ELAVL4: variants seen among roughly 807,000 people sequenced by gnomAD.
ELAVL4 encodes ELAV like RNA binding protein 4, also known as ELAV-like protein 4.
A neutral mutation model predicts 35.6 loss-of-function variants in ELAVL4; 1 was observed. That is an observed-to-expected ratio of 0.03 (90% CI 0.01 to 0.13). ELAVL4 has a LOEUF of 0.13. Among genes scored for constraint, ELAVL4 ranks in the 10% least tolerant of loss-of-function variants. The probability of loss-of-function intolerance (pLI) is 1.00; values close to 1 mark genes in which losing one functional copy is unlikely to be tolerated. For missense variants in ELAVL4, 267 were observed against 464.9 expected, an observed-to-expected ratio of 0.57 and a Z score of 3.91; for synonymous variants, 156 against 171.0, an observed-to-expected ratio of 0.91 and a Z score of 0.69.
chr1:50,164,150 A>G (rs568972816), intron 2 of ELAVL4, among the ~76,000 whole-genome samples: 1 of 152,312 alleles, frequency 6.6e-6, no homozygotes, highest in African/African-American at 2.4e-5. Flanking sequence ...AATATTTGCT[A>G]TTATTTTTAT....
intron 2 of ELAVL4, among the ~76,000 whole-genome samples, chr1:50,165,326 C>T (rs1414411411): frequency 6.6e-6 from 1 of 151,868 alleles, no homozygotes; most frequent in African/African-American, 2.4e-5. Context: ...TCACCCCAGC[C>T]CTTTCCCTCA....
chr1:50,073,060 A>G (rs1277407974), intron 1 of ELAVL4, among the ~76,000 whole-genome samples: 2 of 152,184 alleles, frequency 1.3e-5, no homozygotes, highest in African/African-American at 4.8e-5. Context: ...ATGATGCCCT[A>G]ATGTACCATG....
chr1:50,103,206 C>T (rs1395805402), upstream of ELAVL4, among the ~76,000 whole-genome samples: 2 of 152,194 alleles, frequency 1.3e-5, no homozygotes, highest in African/African-American at 4.8e-5. Flanking sequence ...CCATTTGTCA[C>T]ATTTCCCCCC....
At chr1:50,182,882 T>A (rs558604416) in intron 3 of ELAVL4, among the ~76,000 whole-genome samples, 47 of 151,224 alleles carry the variant, frequency 3.1e-4, no homozygotes, top group African/African-American at 7.8e-4. Flanking sequence ...TTTTTTTTTT[T>A]AAATTAAGAC....
intron 1 of ELAVL4, among the ~76,000 whole-genome samples, chr1:50,126,041 CATCTA>C (rs148842634): frequency 7.9e-5 from 12 of 152,122 alleles, no homozygotes; most frequent in Non-Finnish European, 1.3e-4. Context: ...ACCTAGTAGG[CATCTA>C]ATAAAGGAAG....
upstream of ELAVL4, among the ~76,000 whole-genome samples, chr1:50,103,186 G>T (rs894398319): frequency 6.6e-6 from 1 of 152,184 alleles, no homozygotes; most frequent in Non-Finnish European, 1.5e-5. Context: ...GATTTAGACA[G>T]GTTAGACATC....
chr1:50,130,417 G>C lies in ELAVL4; in HGVS notation c.10-14540G>C, dbSNP rs1269728620. Reference sequence around the variant, plus strand: ...TTCTACATCTGTAAATGAGAGGAATGACAATACCCACTTCTCAAAGTTGTG... The same window carrying C: ...TTCTACATCTGTAAATGAGAGGAATCACAATACCCACTTCTCAAAGTTGTG... On this transcript the variant is annotated intron_variant, in intron 1 of 6. Coordinates refer to ENST00000371824, the MANE Select transcript of ELAVL4 (RefSeq NM_001144774.3). Among the ~76,000 whole-genome samples the C allele has an allele frequency of 2.6e-5, 4 of 152,236 alleles. No homozygotes were observed. In the East Asian group the frequency reaches 7.7e-4, roughly 29 times the overall value.
At chr1:50,118,916 A>G (rs1289546175) in intron 1 of ELAVL4, among the ~76,000 whole-genome samples, 4 of 130,898 alleles carry the variant, frequency 3.1e-5, no homozygotes, top group African/African-American at 1.1e-4. Context: ...CCCAAATGCC[A>G]TTTTGCAGGT....
chr1:50,162,849 G>T (rs557824814), intron 2 of ELAVL4, among the ~76,000 whole-genome samples: 1 of 151,702 alleles, frequency 6.6e-6, no homozygotes, highest in African/African-American at 2.4e-5. Flanking sequence ...CTCCCAAAGT[G>T]CCAGGATTAC....
At chr1:50,114,534 G>A (rs1203671353) in intron 1 of ELAVL4, among the ~76,000 whole-genome samples, 1 of 152,080 alleles carries the variant, frequency 6.6e-6, no homozygotes, top group Non-Finnish European at 1.5e-5. Flanking sequence ...CTATTTAGCA[G>A]TGAAAAGGAA....
chr1:50,160,034 C>T (rs74457220), intron 2 of ELAVL4, among the ~76,000 whole-genome samples: 1 of 152,090 alleles, frequency 6.6e-6, no homozygotes, highest in African/African-American at 2.4e-5. Flanking sequence ...GTACTGAGCA[C>T]GTTCTGGGTA....
chr1:50,183,447 G>C (rs148146157), intron 3 of ELAVL4, among the ~76,000 whole-genome samples: 2 of 152,220 alleles, frequency 1.3e-5, no homozygotes, highest in Non-Finnish European at 2.9e-5. Flanking sequence ...ATTCTGGAGG[G>C]AGCAGGAGTA....
intron 2 of ELAVL4, among the ~76,000 whole-genome samples, chr1:50,173,445 A>G (rs1033948591): frequency 6.6e-6 from 1 of 152,218 alleles, no homozygotes; most frequent in Admixed American, 6.5e-5. Flanking sequence ...TACATTCTGA[A>G]TTATAAGTTT....
At chr1:50,049,240 A>G (rs1225090761) in intron 1 of ELAVL4, among the ~76,000 whole-genome samples, 1 of 152,176 alleles carries the variant, frequency 6.6e-6, no homozygotes, top group Non-Finnish European at 1.5e-5. Context: ...TAAATGCTTT[A>G]ATTTAGTAGA....
chr1:50,106,496 A>T, upstream of ELAVL4: 1 of 835,896 alleles, frequency 1.2e-6, no homozygotes. Context: ...GTGGTGGTGG[A>T]TTGTGGCAGA....
intron 3 of ELAVL4, among the ~76,000 whole-genome samples, chr1:50,181,566 TTGTTCAG>T (rs921289272): frequency 4.2e-4 from 64 of 152,326 alleles, no homozygotes; most frequent in Admixed American, 9.2e-4. Context: ...AACTGGGTCA[TTGTTCAG>T]TGTTTCAGCC....
rs374554537 is a variant in ELAVL4 at position 50,059,624 on chromosome 1, G to A, written c.18+11442G>A. ...TCAGTCCTTGGCATATATACCCAAA[G>A]GAATAGAAAACAAGTATTCAAGTAC... On this transcript the variant is annotated intron_variant, in intron 1 of 6. Transcript: ENST00000448907. 3.3e-4 allele frequency among the ~76,000 whole-genome samples: 50 copies of A among 151,964 alleles called. 1 individual carries two copies. The South Asian group carries it at 9.1e-3, about 28-fold the overall frequency.
upstream of ELAVL4, among the ~76,000 whole-genome samples, chr1:50,100,890 A>G (rs1431640302): frequency 6.6e-6 from 1 of 152,178 alleles, no homozygotes; most frequent in African/African-American, 2.4e-5. Context: ...TTCCTCAACA[A>G]GACTGAATTA....
At chr1:50,086,745 C>A (rs183833611) in intron 1 of ELAVL4, among the ~76,000 whole-genome samples, 1 of 151,970 alleles carries the variant, frequency 6.6e-6, no homozygotes, top group Admixed American at 6.6e-5. Context: ...AGTGGTGCAC[C>A]CTCCACACCC....
Sources: allele counts gnomAD v4.1 joint callset (sites outside exome capture counted in the v4.1 genomes callset), GRCh38; gene constraint gnomAD v4.1.1; transcripts MANE v1.5; gene names NCBI Gene and HGNC (gene_info 2026-07-23, HGNC 2026-07-21).